SYNPR: variants seen among roughly 807,000 people sequenced by gnomAD.
SYNPR encodes synaptoporin.
In SYNPR, 23 loss-of-function variants were observed where a neutral mutation model predicts 32.9. The observed-to-expected ratio is 0.70, with a 90% confidence interval of 0.50 to 0.99. The LOEUF is 0.99. Ranked by LOEUF, SYNPR falls within the 50% of genes least tolerant of loss-of-function variation. The pLI is 0.00. For missense variants in SYNPR, 318 were observed against 349.3 expected (o/e 0.91, Z 0.71); for synonymous variants, 146 against 135.9 (o/e 1.07, Z -0.52).
chr3:63,514,187 C>G (rs1701750380), intron 3 of SYNPR, among the ~76,000 whole-genome samples: 1 of 152,164 alleles, frequency 6.6e-6, no homozygotes. Flanking sequence ...GACTTTTTCT[C>G]ATATGGCCTT....
At chr3:63,401,552 T>C (rs1156459983) in intron 2 of SYNPR, among the ~76,000 whole-genome samples, 2 of 152,172 alleles carry the variant, frequency 1.3e-5, no homozygotes, top group Non-Finnish European at 2.9e-5. Context: ...AGCTTCGTTA[T>C]CTGCACACTG....
the SYNPR span, among the ~76,000 whole-genome samples, chr3:63,201,557 A>G: frequency 6.6e-6 from 1 of 152,112 alleles, no homozygotes; most frequent in Non-Finnish European, 1.5e-5. Flanking sequence ...CCTGCCTTAA[A>G]TGTGTGGTAC....
At chr3:63,492,712 G>A (rs1330493326) in intron 3 of SYNPR, among the ~76,000 whole-genome samples, 1 of 152,180 alleles carries the variant, frequency 6.6e-6, no homozygotes, top group Non-Finnish European at 1.5e-5. Flanking sequence ...GTCTCACTGT[G>A]TGTAATTTTA....
At chr3:63,520,672 C>CAAA (rs5849560) in intron 3 of SYNPR, among the ~76,000 whole-genome samples, 160 of 142,532 alleles carry the variant, frequency 1.1e-3, no homozygotes, top group Admixed American at 1.7e-3. Context: ...GACTCCATCT[C>CAAA]AAAAAAAAAA....
intron 3 of SYNPR, among the ~76,000 whole-genome samples, chr3:63,548,703 T>A (rs1433901290): frequency 6.6e-6 from 1 of 152,154 alleles, no homozygotes; most frequent in Non-Finnish European, 1.5e-5. Context: ...AGAGAAAACG[T>A]ACTCAGCACT....
At chr3:63,541,596 T>C (rs918177351) in intron 3 of SYNPR, among the ~76,000 whole-genome samples, 1 of 152,090 alleles carries the variant, frequency 6.6e-6, no homozygotes, top group Non-Finnish European at 1.5e-5. Flanking sequence ...GCCAATCTAT[T>C]GCGTACTAAA....
intron 2 of SYNPR, among the ~76,000 whole-genome samples, chr3:63,284,054 G>A (rs1471674400): frequency 6.6e-5 from 10 of 151,814 alleles, no homozygotes; most frequent in Admixed American, 5.9e-4. Flanking sequence ...GTGATCTGCC[G>A]GCCTCGGCCT....
At chr3:63,360,008 TCAAA>T (rs1296877383) in intron 2 of SYNPR, among the ~76,000 whole-genome samples, 8 of 152,194 alleles carry the variant, frequency 5.3e-5, no homozygotes, top group African/African-American at 1.9e-4. Flanking sequence ...CATCTGATTC[TCAAA>T]CATACATCAC....
At chr3:63,533,901 A>G (rs922417958) in intron 3 of SYNPR, among the ~76,000 whole-genome samples, 6 of 152,272 alleles carry the variant, frequency 3.9e-5, no homozygotes, top group Admixed American at 3.9e-4. Flanking sequence ...TAACAAAAGA[A>G]GAGAGATTGA....
At chr3:63,339,951 C>A (rs544321023) in intron 2 of SYNPR, among the ~76,000 whole-genome samples, 41 of 152,318 alleles carry the variant, frequency 2.7e-4, no homozygotes, top group Non-Finnish European at 4.9e-4. Context: ...GCCACCATGC[C>A]AAGCCTACCT....
intron 2 of SYNPR, among the ~76,000 whole-genome samples, chr3:63,296,979 G>A (rs975702171): frequency 6.6e-6 from 1 of 152,094 alleles, no homozygotes; most frequent in African/African-American, 2.4e-5. Context: ...GCAAGCTAGG[G>A]AACAAGCAAG....
At chr3:63,469,043 T>C (rs1325401781) in intron 2 of SYNPR, among the ~76,000 whole-genome samples, 3 of 152,138 alleles carry the variant, frequency 2.0e-5, no homozygotes, top group Non-Finnish European at 4.4e-5. Flanking sequence ...AATTGCTCTA[T>C]GGATACAAAT....
In SYNPR at chr3:63,599,828, C is replaced by A. The variant is rs1700012674; in HGVS notation, c.409-9297C>A. Among the ~76,000 whole-genome samples, 3 of 152,130 alleles carry A rather than the reference C, an allele frequency of 2.0e-5. No individual in the cohort carries two copies. In the South Asian group the frequency reaches 6.2e-4, roughly 32 times the overall value. ...TCAGTGAGAAGCTATATTGGTTTAA[C>A]ATTTATAGTACACATATAATTTCTA... On this transcript the variant is annotated intron_variant, in intron 4 of 5. Transcript: ENST00000478300.
chr3:63,406,148 A>G (rs891345915), intron 2 of SYNPR, among the ~76,000 whole-genome samples: 1 of 152,036 alleles, frequency 6.6e-6, no homozygotes, highest in Non-Finnish European at 1.5e-5. Flanking sequence ...ATGTTAGAGA[A>G]CAACGAGATG....
intron 4 of SYNPR, among the ~76,000 whole-genome samples, chr3:63,588,217 T>C (rs1703226657): frequency 6.6e-6 from 1 of 152,072 alleles, no homozygotes; most frequent in African/African-American, 2.4e-5. Flanking sequence ...CACAGATGGT[T>C]TGTATAGATA....
chr3:63,300,932 G>A (rs766176167), intron 2 of SYNPR, among the ~76,000 whole-genome samples: 5 of 151,928 alleles, frequency 3.3e-5, no homozygotes, highest in Admixed American at 6.6e-5. Flanking sequence ...AAATGTTACC[G>A]TATTTTTAAA....
At chr3:63,540,562 G>A (rs944854021) in intron 3 of SYNPR, among the ~76,000 whole-genome samples, 3 of 151,972 alleles carry the variant, frequency 2.0e-5, no homozygotes, top group African/African-American at 7.2e-5. Flanking sequence ...GCATGTTAAG[G>A]AAGGAAAAAG....
chr3:63,340,976 T>A (rs1046220855), intron 2 of SYNPR, among the ~76,000 whole-genome samples: 1 of 152,216 alleles, frequency 6.6e-6, no homozygotes, highest in Non-Finnish European at 1.5e-5. Context: ...TATGCACATT[T>A]ACAGTGTCAT....
chr3:63,587,317 A>T (rs566027121), intron 4 of SYNPR, among the ~76,000 whole-genome samples: 2 of 152,240 alleles, frequency 1.3e-5, no homozygotes, highest in Admixed American at 6.5e-5. Flanking sequence ...ACGACCCTGT[A>T]AGGGAAGTAC....
Sources: allele counts gnomAD v4.1 joint callset (sites outside exome capture counted in the v4.1 genomes callset), GRCh38; gene constraint gnomAD v4.1.1; transcripts MANE v1.5; gene names NCBI Gene and HGNC (gene_info 2026-07-23, HGNC 2026-07-21).